Variants in BCAR3 observed in about 807,000 individuals in gnomAD.
BCAR3 encodes the protein breast cancer anti-estrogen resistance protein 3.
BCAR3 carries 37 observed loss-of-function variants against 80.1 expected under a neutral mutation model. The observed-to-expected ratio is 0.46, with a 90% CI of 0.36 to 0.61. The LOEUF is 0.61. BCAR3 is among the 20% of genes least tolerant of loss of function. The probability of loss-of-function intolerance (pLI) is 0.00; values close to 1 mark genes in which losing one functional copy is unlikely to be tolerated. For missense variants in BCAR3, 978 were observed against 1,068.2 expected (o/e 0.92, Z 1.18); for synonymous variants, 389 against 418.9 (o/e 0.93, Z 0.87).
chr1:93,564,892 G>C (rs1219284493), intron 11 of BCAR3, among the ~76,000 whole-genome samples: 1 of 152,128 alleles, frequency 6.6e-6, no homozygotes, highest in Non-Finnish European at 1.5e-5. Flanking sequence ...AAGATGTTCA[G>C]GCAACTCTTT....
At chr1:93,649,228 G>T (rs1557639453) in intron 2 of BCAR3, among the ~76,000 whole-genome samples, 1 of 152,182 alleles carries the variant, frequency 6.6e-6, no homozygotes, top group African/African-American at 2.4e-5. Flanking sequence ...GAGCACAGGG[G>T]AGTTCACCCA....
chr1:93,726,807 C>G (rs1650600458), intron 2 of BCAR3, among the ~76,000 whole-genome samples: 3 of 152,108 alleles, frequency 2.0e-5, no homozygotes, highest in Non-Finnish European at 2.9e-5. Context: ...AAAAACAAAC[C>G]ACTAAATTTC....
chr1:93,841,714 T>G (rs1654967119), intron 2 of BCAR3, among the ~76,000 whole-genome samples: 1 of 152,228 alleles, frequency 6.6e-6, no homozygotes, highest in South Asian at 2.1e-4. Context: ...GACCAGATCA[T>G]GTTCCCTTTA....
At chr1:93,644,129 T>G (rs931416820) in intron 2 of BCAR3, among the ~76,000 whole-genome samples, 9 of 152,242 alleles carry the variant, frequency 5.9e-5, no homozygotes, top group Non-Finnish European at 1.0e-4. Flanking sequence ...GGAATGGCCC[T>G]GCAAAACTGT....
At chr1:93,567,524 C>A (rs1673006075) in intron 10 of BCAR3, 33 bp from the exon 11 acceptor site, 1 of 1,605,080 alleles carries the variant, frequency 6.2e-7, no homozygotes, top group African/African-American at 1.3e-5. Context: ...TTCCATATCA[C>A]ATGTTTTCCA....
intron 2 of BCAR3, among the ~76,000 whole-genome samples, chr1:93,650,689 GTTA>G (rs1676295199): frequency 6.6e-6 from 1 of 152,174 alleles, no homozygotes; most frequent in African/African-American, 2.4e-5. Flanking sequence ...TATATTAAGT[GTTA>G]TAAGTGTGAC....
At chr1:93,579,238 G>A (rs557628784) in intron 7 of BCAR3, among the ~76,000 whole-genome samples, 1 of 152,324 alleles carries the variant, frequency 6.6e-6, no homozygotes, top group Non-Finnish European at 1.5e-5. Flanking sequence ...TCAGCTTCTG[G>A]GTGGCCCTGT....
At chr1:93,603,502 A>T (rs1197675391) in intron 3 of BCAR3, among the ~76,000 whole-genome samples, 2 of 152,270 alleles carry the variant, frequency 1.3e-5, no homozygotes, top group African/African-American at 4.8e-5. Context: ...GACCCTTGGC[A>T]GATGAGGACC....
intron 2 of BCAR3, among the ~76,000 whole-genome samples, chr1:93,657,872 T>C (rs943051327): frequency 6.6e-6 from 1 of 152,032 alleles, no homozygotes; most frequent in African/African-American, 2.4e-5. Context: ...GCAAGTGTCA[T>C]TCTAGATGGT....
chr1:93,828,837 C>T (rs1159445871), intron 2 of BCAR3, among the ~76,000 whole-genome samples: 1 of 152,072 alleles, frequency 6.6e-6, no homozygotes, highest in Non-Finnish European at 1.5e-5. Context: ...GGACTACAGG[C>T]GCATGCTACC....
In BCAR3 at chr1:93,795,376, A is replaced by T. The variant is rs377011172; in HGVS notation, c.-63+50191T>A. On this transcript the variant is annotated intron_variant, in intron 2 of 13. Coordinates refer to the BCAR3 transcript ENST00000370244. ...ATTTCTTTTTATTCTTTTTTCTCTA[A>T]ACTTCCCTTCTCGCTTCATTTGATT... 7.3e-5 allele frequency among the ~76,000 whole-genome samples: 7 copies of T among 95,400 alleles called. No individual in the cohort carries two copies. The East Asian group carries it at 1.8e-3, about 24-fold the overall frequency. 62.6% of individuals were successfully genotyped at this position (95,400 alleles called of 152,430 possible). A position where few individuals can be genotyped will look rare whatever the true frequency, so the allele number is the denominator to read the frequency against.
At chr1:93,798,036 A>G (rs1002140899) in intron 2 of BCAR3, among the ~76,000 whole-genome samples, 12 of 152,222 alleles carry the variant, frequency 7.9e-5, no homozygotes, top group African/African-American at 2.9e-4. Context: ...GACAAATTGG[A>G]CATTTAGCAC....
chr1:93,640,287 C>CA (rs1181897949), intron 3 of BCAR3, among the ~76,000 whole-genome samples: 2 of 152,132 alleles, frequency 1.3e-5, no homozygotes. Flanking sequence ...CCCCTTGGAC[C>CA]TTTACGTCAG....
intron 2 of BCAR3, among the ~76,000 whole-genome samples, chr1:93,724,377 G>A (rs1650507426): frequency 6.6e-6 from 1 of 152,200 alleles, no homozygotes; most frequent in South Asian, 2.1e-4. Context: ...TGCTGGGGCA[G>A]CCCTATCTTT....
chr1:93,680,161 TC>T (rs1473131110), intron 1 of BCAR3, among the ~76,000 whole-genome samples: 1 of 152,214 alleles, frequency 6.6e-6, no homozygotes, highest in Non-Finnish European at 1.5e-5. Context: ...TATGAATAAT[TC>T]CTCCATGGAT....
intron 2 of BCAR3, among the ~76,000 whole-genome samples, chr1:93,818,452 T>C (rs10874795): frequency 0.17 from 26,183 of 152,138 alleles, 3,186 homozygotes; most frequent in African/African-American, 0.33. Flanking sequence ...CAGTGCTGTG[T>C]ACCTGGGCTG....
intron 2 of BCAR3, among the ~76,000 whole-genome samples, chr1:93,664,465 T>C (rs889898074): frequency 4.6e-5 from 7 of 152,208 alleles, no homozygotes; most frequent in East Asian, 1.9e-4. Context: ...TCTGAAAACA[T>C]TGCAATGCCT....
At chr1:93,679,738 T>C (rs1222907687) in intron 1 of BCAR3, among the ~76,000 whole-genome samples, 1 of 152,218 alleles carries the variant, frequency 6.6e-6, no homozygotes, top group Non-Finnish European at 1.5e-5. Context: ...GAAATGTTTG[T>C]GAACTGAGGC....
intron 3 of BCAR3, among the ~76,000 whole-genome samples, chr1:93,596,359 C>T (rs1674419365): frequency 6.6e-6 from 1 of 152,170 alleles, no homozygotes; most frequent in East Asian, 1.9e-4. Flanking sequence ...TGTTCAAATC[C>T]ACCCCAGTTC....
Sources: allele counts gnomAD v4.1 joint callset (sites outside exome capture counted in the v4.1 genomes callset), GRCh38; gene constraint gnomAD v4.1.1; transcripts MANE v1.5; gene names NCBI Gene and HGNC (gene_info 2026-07-23, HGNC 2026-07-21).